The following GRID1 variants were observed in gnomAD, a reference collection of about 807,000 sequenced individuals.
GRID1 encodes the protein glutamate receptor ionotropic, delta-1.
In GRID1, 28 loss-of-function variants were observed where a neutral mutation model predicts 98.0. That is an observed-to-expected ratio of 0.29 (90% CI 0.21 to 0.39). The LOEUF (loss-of-function observed/expected upper bound fraction) is 0.39, where lower values mean the gene tolerates loss of function less well. GRID1 is among the 10% of genes least tolerant of loss of function. The probability of loss-of-function intolerance (pLI) is 1.00; values close to 1 mark genes in which losing one functional copy is unlikely to be tolerated. For missense variants in GRID1, 1,111 were observed against 1,340.5 expected (o/e 0.83, Z 2.67); for synonymous variants, 553 against 538.5 (o/e 1.03, Z -0.37).
chr10:85,629,819 T>A (rs996892511), intron 13 of GRID1, among the ~76,000 whole-genome samples: 20 of 152,240 alleles, frequency 1.3e-4, no homozygotes, highest in Non-Finnish European at 2.9e-4. Context: ...TAATTTACAC[T>A]CCCACCAGCA....
intron 14 of GRID1, among the ~76,000 whole-genome samples, chr10:85,619,642 C>T (rs1265133836): frequency 6.6e-6 from 1 of 152,156 alleles, no homozygotes; most frequent in East Asian, 1.9e-4. Flanking sequence ...ATTACCTGCT[C>T]CTATCAGAGA....
chr10:86,007,385 G>A (rs1218676339), intron 4 of GRID1, among the ~76,000 whole-genome samples: 11 of 152,110 alleles, frequency 7.2e-5, no homozygotes, highest in Admixed American at 5.2e-4. Context: ...GGCAGTGGTC[G>A]CAGCACCGCT....
Position 85,855,954 on chromosome 10 carries a change from A to G in GRID1, c.1113+75T>C, listed in dbSNP as rs113625477. On this transcript the variant is annotated intron_variant, in intron 7 of 15. Transcript: ENST00000327946. The stretch of plus-strand genomic sequence containing the variant: ...CACAGAGCCTAGCTTCAGGCCAGCT[A>G]CTAGAGGGGAACACAGTGGAGGTAT... 1.2e-3 allele frequency: 1,656 copies of G among 1,364,410 alleles called. 15 individuals are homozygous for G. In the African/African-American group the frequency reaches 0.02, roughly 16 times the overall value. The allele number at this position is 1,364,410 out of a possible 1,614,324, so 84.5% of individuals were successfully genotyped here.
intron 2 of GRID1, among the ~76,000 whole-genome samples, chr10:86,243,899 C>A (rs1460079824): frequency 6.6e-6 from 1 of 152,230 alleles, no homozygotes; most frequent in Non-Finnish European, 1.5e-5. Context: ...CCAGTCCTCG[C>A]CACCATCTCT....
At chr10:85,823,147 C>G (rs1292660571) in intron 8 of GRID1, among the ~76,000 whole-genome samples, 4 of 152,102 alleles carry the variant, frequency 2.6e-5, no homozygotes, top group African/African-American at 9.7e-5. Context: ...TGTAACAAAT[C>G]TGCACGTTGT....
At chr10:86,183,738 C>T (rs1845690778) in intron 3 of GRID1, among the ~76,000 whole-genome samples, 1 of 152,258 alleles carries the variant, frequency 6.6e-6, no homozygotes, top group Non-Finnish European at 1.5e-5. Context: ...TAAGCTGCTA[C>T]TGAAATCTTC....
intron 3 of GRID1, among the ~76,000 whole-genome samples, chr10:86,182,402 G>A (rs1845668824): frequency 6.6e-6 from 1 of 152,236 alleles, no homozygotes; most frequent in Non-Finnish European, 1.5e-5. Context: ...GCTCCACAGT[G>A]AGACTGGCCA....
intron 4 of GRID1, among the ~76,000 whole-genome samples, chr10:86,054,183 A>T (rs1843542493): frequency 6.6e-6 from 1 of 150,454 alleles, no homozygotes. Flanking sequence ...GCAACTCTGA[A>T]GGCCCAGAGT....
chr10:85,823,856 C>T (rs1311710408), intron 8 of GRID1, among the ~76,000 whole-genome samples: 1 of 151,686 alleles, frequency 6.6e-6, no homozygotes, highest in African/African-American at 2.4e-5. Context: ...GCTTAAAATT[C>T]CACACCCAGT....
rs575259885 is a variant in GRID1 at position 86,072,648 on chromosome 10, G to A, written c.726+66171C>T. ...TACCCTCAAAAGCCCAAGGGAGCTC[G>A]GTCTGATTAGCACATTGAACATCTC... On this transcript the variant is annotated intron_variant, in intron 4 of 15. Transcript: ENST00000327946. Among the ~76,000 whole-genome samples, 59 of 152,172 alleles carry A rather than the reference G, an allele frequency of 3.9e-4. 1 individual carries two copies. Among genetic ancestry groups the A allele is most frequent in the Non-Finnish European group, 6.9e-4 (47 of 68,038 alleles).
At chr10:85,882,660 A>G (rs1312169513) in intron 5 of GRID1, among the ~76,000 whole-genome samples, 1 of 152,234 alleles carries the variant, frequency 6.6e-6, no homozygotes, top group Non-Finnish European at 1.5e-5. Flanking sequence ...ATTAGGAGAC[A>G]CACCTAATGT....
intron 8 of GRID1, among the ~76,000 whole-genome samples, chr10:85,821,707 G>A (rs1842774476): frequency 6.6e-6 from 1 of 151,836 alleles, no homozygotes; most frequent in Non-Finnish European, 1.5e-5. Context: ...TATATATCCT[G>A]AAAATTATTA....
chr10:86,282,364 C>T (rs188777877), intron 2 of GRID1, among the ~76,000 whole-genome samples: 18 of 152,230 alleles, frequency 1.2e-4, no homozygotes, highest in African/African-American at 3.9e-4. Flanking sequence ...CAGCAGGAGC[C>T]GAGCCTTTGT....
intron 3 of GRID1, among the ~76,000 whole-genome samples, chr10:86,176,575 A>G (rs1208226946): frequency 4.6e-5 from 7 of 152,192 alleles, no homozygotes; most frequent in Admixed American, 3.3e-4. Flanking sequence ...ATCGTGCAAA[A>G]GAAGGGAGGG....
At chr10:86,203,924 C>T (rs1007002515) in intron 3 of GRID1, among the ~76,000 whole-genome samples, 1 of 152,162 alleles carries the variant, frequency 6.6e-6, no homozygotes, top group Non-Finnish European at 1.5e-5. Flanking sequence ...CAAGCAGCCT[C>T]AACCAACCAG....
intron 4 of GRID1, among the ~76,000 whole-genome samples, chr10:86,054,680 T>C (rs1843549178): frequency 6.6e-6 from 1 of 152,200 alleles, no homozygotes; most frequent in South Asian, 2.1e-4. Flanking sequence ...AGCTATCTCT[T>C]AATGTGTTTT....
chr10:85,613,644 G>C lies in GRID1; in HGVS notation c.2364C>G (p.Ile788Met). ...GGTCCCCTGTGTCCTGCAGCTCCAG[G>C]ATCCTGTAAGACACAATCAAGGTGA... ...SPYRDLFSQR[I>M]LELQDTGDLD... The change falls in exon 15 of 16, where the codon ATC becomes ATG. Residue 788 changes from isoleucine (I) to methionine (M), a missense_variant. Coordinates refer to ENST00000327946, the MANE Select transcript of GRID1 (RefSeq NM_017551.3). 6.2e-7 allele frequency: 1 copy of C among 1,613,266 alleles called. No homozygotes were observed.
In GRID1 at chr10:85,602,114, C is replaced by T. The variant is rs1300010680; in HGVS notation, c.*159G>A. On this transcript the variant is annotated 3_prime_UTR_variant, in exon 16 of 16. Transcript: ENST00000327946. ...TTCAAAATACACTTTTACCCCACTC[C>T]ATTCTGTCATTATTTACACATATGT... The T allele has an allele frequency of 4.0e-6, 2 of 497,474 alleles. No homozygotes were observed. Among genetic ancestry groups the T allele is most frequent in the East Asian group, 3.0e-5 (1 of 33,086 alleles). 30.8% of individuals were successfully genotyped at this position (497,474 alleles called of 1,614,324 possible).
intron 4 of GRID1, among the ~76,000 whole-genome samples, chr10:85,937,347 G>A (rs967382642): frequency 3.3e-5 from 5 of 152,202 alleles, no homozygotes; most frequent in Admixed American, 6.5e-5. Context: ...TTCAGCAGGG[G>A]AAAAAGGTAG....
Sources: gnomAD v4.1 joint callset for allele counts (sites outside exome capture counted in the v4.1 genomes callset) on GRCh38, gnomAD v4.1.1 for gene constraint, MANE v1.5 for transcripts, NCBI Gene and HGNC (gene_info 2026-07-23, HGNC 2026-07-21) for gene names.